Variants in VPS13A observed in about 807,000 individuals in gnomAD.
VPS13A encodes intermembrane lipid transfer protein VPS13A.
In VPS13A, 264 loss-of-function variants were observed where a neutral mutation model predicts 390.9. That is an observed-to-expected ratio of 0.68 (90% CI 0.61 to 0.75). The LOEUF is 0.75. Among genes scored for constraint, VPS13A ranks in the 30% least tolerant of loss-of-function variants. The pLI, the probability that VPS13A is intolerant of heterozygous loss-of-function variation, is 0.00. For synonymous variants in VPS13A, 1,231 were observed against 1,227.1 expected, an observed-to-expected ratio of 1.00 and a Z score of -0.07; for missense variants, 3,409 against 3,733.9, an observed-to-expected ratio of 0.91 and a Z score of 2.27.
chr9:77,212,479 C>G (rs1013357386), intron 7 of VPS13A, among the ~76,000 whole-genome samples: 1 of 152,018 alleles, frequency 6.6e-6, no homozygotes, highest in Non-Finnish European at 1.5e-5. Flanking sequence ...ATGCTCCTGC[C>G]ATGCCCTCTC....
chr9:77,341,691 CTTTTTTTTTTTTTTTT>C (rs57841628), intron 50 of VPS13A, among the ~76,000 whole-genome samples: 2 of 37,822 alleles, frequency 5.3e-5, no homozygotes, highest in South Asian at 1.3e-3. Flanking sequence ...GACATCTTTC[CTTTTTTTTTTTTTTTT>C]TTTTTTTTTT....
intron 31 of VPS13A, among the ~76,000 whole-genome samples, chr9:77,286,986 T>C (rs1827361558): frequency 6.6e-6 from 1 of 152,036 alleles, no homozygotes. Context: ...CTCTAAACTC[T>C]GTCGAGCAAA....
At chr9:77,178,801 TTG>T (rs1322793365) in intron 1 of VPS13A, among the ~76,000 whole-genome samples, 5 of 152,220 alleles carry the variant, frequency 3.3e-5, no homozygotes, top group African/African-American at 1.2e-4. Context: ...AGGGTTAATT[TTG>T]TGTGTGAAGT....
chr9:77,366,834 T>A lies in VPS13A; in HGVS notation c.8433T>A (p.Ile2811=). The change falls in exon 61 of 72, where the codon ATT becomes ATA. Residue 2811 remains isoleucine (I), a synonymous_variant. Transcript: ENST00000360280. ...CTTTAAATCTTTTGCTGAAGAGTAT[T>A]GGTGCCACACTGACAGATGTACAAG... is the stretch of plus-strand genomic sequence containing the variant. The part of the protein sequence containing the change: ...VHSLNLLLKS[I]GATLTDVQDV... 1 of 1,613,410 alleles carries A rather than the reference T, an allele frequency of 6.2e-7. No homozygotes were observed. Among genetic ancestry groups the A allele is most frequent in the Non-Finnish European group, 8.5e-7 (1 of 1,179,580 alleles).
intron 68 of VPS13A, among the ~76,000 whole-genome samples, chr9:77,399,181 T>TAAAAAAA (rs1223344360): frequency 1.9e-3 from 67 of 34,892 alleles, no homozygotes; most frequent in Middle Eastern, 0.024. Flanking sequence ...AAAAAAAAAA[T>TAAAAAAA]AAAAAAAAAA....
chr9:77,213,115 A>T lies in VPS13A; in HGVS notation c.615+87A>T, dbSNP rs1055696669. The T allele has an allele frequency of 4.5e-6, 7 of 1,557,486 alleles. No homozygotes were observed. The African/African-American group carries it at 6.8e-5, about 15-fold the overall frequency. ...AATATATAGATAAGGATGTATGTGA[A>T]TTTTGCTTATTTGTTTAACTCTGTG... On this transcript the variant is annotated intron_variant, in intron 8 of 71. Coordinates refer to ENST00000360280, the MANE Select transcript of VPS13A (RefSeq NM_033305.3).
intron 39 of VPS13A, 39 bp downstream of exon 39, chr9:77,316,445 T>A: frequency 6.4e-7 from 1 of 1,570,244 alleles, no homozygotes; most frequent in Non-Finnish European, 8.8e-7. Context: ...ATTGTAACTA[T>A]TTTGGATGTA....
chr9:77,261,803 T>G (rs1198032907), intron 23 of VPS13A, among the ~76,000 whole-genome samples: 5 of 152,180 alleles, frequency 3.3e-5, no homozygotes, highest in Non-Finnish European at 7.4e-5. Flanking sequence ...CAGGCTGGTC[T>G]TAAAATCCTG....
chr9:77,337,107 T>C (rs563067824), intron 46 of VPS13A, 148 bp from the exon 47 acceptor site: 2 of 897,338 alleles, frequency 2.2e-6, no homozygotes, highest in Non-Finnish European at 3.2e-6. Context: ...TTATCTATCT[T>C]ACTTATATCG....
chr9:77,309,559 T>A (rs1828949836), intron 35 of VPS13A, among the ~76,000 whole-genome samples: 1 of 152,156 alleles, frequency 6.6e-6, no homozygotes, highest in Non-Finnish European at 1.5e-5. Context: ...AATTTATAAA[T>A]TAGGCACAGT....
intron 68 of VPS13A, among the ~76,000 whole-genome samples, chr9:77,402,728 G>T (rs1021984382): frequency 6.6e-6 from 1 of 152,096 alleles, no homozygotes; most frequent in Admixed American, 6.5e-5. Flanking sequence ...AAGCCTTGGG[G>T]TCCCTGTTTG....
rs1834838395 is a variant in VPS13A, at chr9:77,409,987, T to TAA, written c.9474+2381_9474+2382dup. Among the ~76,000 whole-genome samples the TAA allele has an allele frequency of 2.0e-5, 3 of 151,580 alleles. No homozygotes were observed. In the South Asian group the frequency reaches 6.2e-4, roughly 31 times the overall value. The stretch of plus-strand genomic sequence containing the variant: ...TCAAGAAGAGCAACTCCAAGACACT[T>TAA]AATTGTCAGATTCACCAAAGTTGGA... On this transcript the variant is annotated intron_variant, in intron 71 of 71. Transcript: ENST00000360280.
At chr9:77,257,457 C>T (rs530196825) in intron 22 of VPS13A, among the ~76,000 whole-genome samples, 1 of 151,980 alleles carries the variant, frequency 6.6e-6, no homozygotes. Flanking sequence ...CTATAACAGC[C>T]TATTTAAGAT....
chr9:77,188,476 A>G (rs1013681763), intron 1 of VPS13A, among the ~76,000 whole-genome samples: 2 of 152,222 alleles, frequency 1.3e-5, no homozygotes, highest in Admixed American at 1.3e-4. Flanking sequence ...GTGGTAGTCC[A>G]TGGTGAACAT....
intron 55 of VPS13A, 55 bp downstream of exon 55, chr9:77,356,922 G>A: frequency 6.3e-7 from 1 of 1,593,046 alleles, no homozygotes; most frequent in Non-Finnish European, 8.6e-7. Context: ...TCGTAGTTTG[G>A]TGAATCACTA....
At chr9:77,323,798 A>G (rs950298668) in intron 45 of VPS13A, among the ~76,000 whole-genome samples, 1 of 152,134 alleles carries the variant, frequency 6.6e-6, no homozygotes, top group Non-Finnish European at 1.5e-5. Context: ...TACAGTACAG[A>G]TGGAGTTTGA....
intron 59 of VPS13A, among the ~76,000 whole-genome samples, chr9:77,361,197 A>G (rs1832119915): frequency 1.3e-5 from 2 of 152,104 alleles, no homozygotes; most frequent in South Asian, 2.1e-4. Flanking sequence ...TGTATTCACA[A>G]AGTTGTACAA....
intron 67 of VPS13A, among the ~76,000 whole-genome samples, chr9:77,373,580 G>A (rs1052270687): frequency 6.8e-6 from 1 of 146,418 alleles, no homozygotes; most frequent in African/African-American, 2.5e-5. Context: ...GCATGGGCAA[G>A]GACTTCATGT....
chr9:77,409,467 G>T (rs553977290), intron 71 of VPS13A, among the ~76,000 whole-genome samples: 1 of 152,330 alleles, frequency 6.6e-6, no homozygotes, highest in East Asian at 1.9e-4. Flanking sequence ...TTGACAAGTT[G>T]AGAGAAGAAG....
Sources: allele counts gnomAD v4.1 joint callset (sites outside exome capture counted in the v4.1 genomes callset), GRCh38; gene constraint gnomAD v4.1.1; transcripts MANE v1.5; gene names NCBI Gene and HGNC (gene_info 2026-07-23, HGNC 2026-07-21).